TCERG1L: variants seen among roughly 807,000 people sequenced by gnomAD.
TCERG1L encodes transcription elongation regulator 1 like.
Under a neutral mutation model 56.3 loss-of-function variants are expected in TCERG1L, and 37 were observed. The ratio of observed to expected loss-of-function variants is 0.66; its 90% CI spans 0.51 to 0.87. TCERG1L has a LOEUF of 0.87. TCERG1L is among the 40% of genes least tolerant of loss of function. The probability of loss-of-function intolerance (pLI) is 0.00; values close to 1 mark genes in which losing one functional copy is unlikely to be tolerated. For missense variants in TCERG1L, 799 were observed against 774.2 expected (o/e 1.03, Z -0.38); for synonymous variants, 324 against 326.3 (o/e 0.99, Z 0.08).
At chr10:131,169,027 T>C (rs1204767592) in intron 4 of TCERG1L, among the ~76,000 whole-genome samples, 1 of 152,130 alleles carries the variant, frequency 6.6e-6, no homozygotes, top group African/African-American at 2.4e-5. Flanking sequence ...ACAGTGGAAA[T>C]ATTTTACTGT....
At chr10:131,264,200 C>T (rs1260809213) in intron 3 of TCERG1L, among the ~76,000 whole-genome samples, 1 of 151,942 alleles carries the variant, frequency 6.6e-6, no homozygotes, top group Non-Finnish European at 1.5e-5. Flanking sequence ...CGGGGATGCT[C>T]TGACTCTCAT....
At chr10:131,097,417 G>A in intron 11 of TCERG1L, among the ~76,000 whole-genome samples, 1 of 152,088 alleles carries the variant, frequency 6.6e-6, no homozygotes. Flanking sequence ...GTGCAATCAA[G>A]GCTCACTGCA....
At chr10:131,102,133 A>AT (rs1203794522) in intron 10 of TCERG1L, among the ~76,000 whole-genome samples, 1 of 152,228 alleles carries the variant, frequency 6.6e-6, no homozygotes, top group Non-Finnish European at 1.5e-5. Flanking sequence ...CTATTGTAGC[A>AT]TTTTTTGAGG....
intron 7 of TCERG1L, among the ~76,000 whole-genome samples, chr10:131,135,867 G>T (rs1161044649): frequency 6.6e-6 from 1 of 152,256 alleles, no homozygotes; most frequent in Non-Finnish European, 1.5e-5. Flanking sequence ...GTGCAGAGCG[G>T]GGGATGAGCA....
At chr10:131,127,217 AC>A (rs1170345122) in intron 8 of TCERG1L, among the ~76,000 whole-genome samples, 1 of 152,222 alleles carries the variant, frequency 6.6e-6, no homozygotes, top group African/African-American at 2.4e-5. Context: ...GAGAAACAGA[AC>A]AAAAGGCCCA....
intron 3 of TCERG1L, among the ~76,000 whole-genome samples, chr10:131,293,765 T>C (rs936286298): frequency 3.3e-5 from 5 of 152,378 alleles, no homozygotes; most frequent in Admixed American, 2.6e-4. Context: ...CATTTCATGT[T>C]TCTTTCCTCT....
rs562622578 is a variant in TCERG1L, at chr10:131,210,522, T to C, written c.857-43637A>G. Among the ~76,000 whole-genome samples the C allele has an allele frequency of 3.3e-5, 5 of 152,330 alleles. No individual in the cohort carries two copies. The East Asian group carries it at 5.8e-4, about 18-fold the overall frequency. On this transcript the variant is annotated intron_variant, in intron 4 of 11. Transcript: ENST00000368642. Reference sequence around the variant, plus strand: ...AGGTGAAAATAAAAAGAAAGAATTATCTGGGAAAAATTCCAGGCTTCACCA... The same window carrying C: ...AGGTGAAAATAAAAAGAAAGAATTACCTGGGAAAAATTCCAGGCTTCACCA...
At chr10:131,223,017 T>C (rs1434472570) in intron 4 of TCERG1L, among the ~76,000 whole-genome samples, 1 of 152,180 alleles carries the variant, frequency 6.6e-6, no homozygotes, top group African/African-American at 2.4e-5. Flanking sequence ...TGATGGTGAC[T>C]TTTCCCTTCC....
At chr10:131,295,670 G>C (rs1846682491) in intron 3 of TCERG1L, among the ~76,000 whole-genome samples, 1 of 152,214 alleles carries the variant, frequency 6.6e-6, no homozygotes, top group Non-Finnish European at 1.5e-5. Flanking sequence ...CTAGTGACCA[G>C]ATCAGGACAA....
intron 6 of TCERG1L, 87 bp from the exon 7 acceptor site, chr10:131,146,747 CTCAGG>C: frequency 4.2e-6 from 6 of 1,421,350 alleles, no homozygotes; most frequent in Admixed American, 2.3e-5. Flanking sequence ...GAAAAAGCCC[CTCAGG>C]ACCGAAATCC....
chr10:131,113,361 C>T (rs894496473), intron 9 of TCERG1L, among the ~76,000 whole-genome samples: 1 of 141,974 alleles, frequency 7.0e-6, no homozygotes, highest in African/African-American at 2.5e-5. Flanking sequence ...TCTGTGCACG[C>T]GTGCCCTGGC....
chr10:131,159,157 AGAGGGCTCCTTT>A (rs1463887688), intron 6 of TCERG1L, among the ~76,000 whole-genome samples: 1 of 152,186 alleles, frequency 6.6e-6, no homozygotes, highest in Non-Finnish European at 1.5e-5. Flanking sequence ...TGCCCTGGGG[AGAGGGCTCCTTT>A]CTCCTTTCTG....
chr10:131,140,613 C>T (rs761506027), intron 7 of TCERG1L, among the ~76,000 whole-genome samples: 30 of 152,202 alleles, frequency 2.0e-4, no homozygotes, highest in Admixed American at 3.9e-4. Context: ...TGTGGCTTTC[C>T]TGGGCACGAA....
At chr10:131,106,961 T>A (rs1420278789) in intron 9 of TCERG1L, among the ~76,000 whole-genome samples, 2 of 152,120 alleles carry the variant, frequency 1.3e-5, no homozygotes, top group Non-Finnish European at 2.9e-5. Context: ...CTCCACAGAG[T>A]GAGAACCCGG....
At chr10:131,176,594 GCACA>G (rs1459453486) in intron 4 of TCERG1L, among the ~76,000 whole-genome samples, 21 of 63,206 alleles carry the variant, frequency 3.3e-4, no homozygotes, top group Non-Finnish European at 5.0e-4. Context: ...CAAAACACAT[GCACA>G]CACACAGAGA....
At chr10:131,126,543 T>C (rs991785734) in intron 8 of TCERG1L, among the ~76,000 whole-genome samples, 1 of 151,630 alleles carries the variant, frequency 6.6e-6, no homozygotes, top group Non-Finnish European at 1.5e-5. Context: ...AGGGCAGCTA[T>C]GTGCTGCTAG....
At chr10:131,239,989 A>G (rs1314386819) in intron 4 of TCERG1L, among the ~76,000 whole-genome samples, 1 of 152,020 alleles carries the variant, frequency 6.6e-6, no homozygotes, top group African/African-American at 2.4e-5. Flanking sequence ...TTGTTCAGGC[A>G]CACACCCCGT....
intron 11 of TCERG1L, among the ~76,000 whole-genome samples, chr10:131,095,051 C>G (rs968345746): frequency 1.3e-5 from 2 of 152,224 alleles, no homozygotes; most frequent in African/African-American, 4.8e-5. Context: ...TGTGAACTCA[C>G]GAAGGTCAGC....
At chr10:131,301,545 G>A (rs1266428917) in intron 3 of TCERG1L, among the ~76,000 whole-genome samples, 1 of 151,798 alleles carries the variant, frequency 6.6e-6, no homozygotes, top group East Asian at 1.9e-4. Context: ...AAGAAAAAAT[G>A]AAATTTGATA....
Sources: gnomAD v4.1 joint callset for allele counts (sites outside exome capture counted in the v4.1 genomes callset) on GRCh38, gnomAD v4.1.1 for gene constraint, MANE v1.5 for transcripts, NCBI Gene and HGNC (gene_info 2026-07-23, HGNC 2026-07-21) for gene names.